The following ABCC8 variants were observed in gnomAD, a reference collection of about 807,000 sequenced individuals.
ABCC8 encodes the protein ATP binding cassette subfamily C member 8.
ABCC8 carries 137 observed loss-of-function variants against 188.0 expected under a neutral mutation model. The ratio of observed to expected loss-of-function variants is 0.73; its 90% confidence interval spans 0.63 to 0.84. ABCC8 has a LOEUF of 0.84. Ranked by LOEUF, ABCC8 falls within the 40% of genes least tolerant of loss-of-function variation. The pLI, the probability that ABCC8 is intolerant of heterozygous loss-of-function variation, is 0.00. For synonymous variants in ABCC8, 797 were observed against 846.5 expected, an observed-to-expected ratio of 0.94 and a Z score of 1.01; for missense variants, 1,750 against 2,072.7, an observed-to-expected ratio of 0.84 and a Z score of 3.02.
chr11:17,470,162 A>C lies in ABCC8; in HGVS notation c.351T>G (p.Ala117=). 6.2e-7 allele frequency: 1 copy of C among 1,614,202 alleles called. No individual in the cohort carries two copies. Among genetic ancestry groups the C allele is most frequent in the Middle Eastern group, 1.6e-4 (1 of 6,062 alleles). Residue 117 remains alanine, a synonymous_variant, in exon 3 of 39, where the codon GCT becomes GCG. Transcript: ENST00000389817. The part of the protein sequence containing the change: ...YMPAGMAFMA[A]VTSVVYYHNI... The stretch of plus-strand genomic sequence containing the variant: ...TGTGATAGTAGACCACGGAGGTGAC[A>C]GCAGCCATGAACGCCATCCCGGCTG...
Position 17,452,970 on chromosome 11 carries a change from G to C in ABCC8, c.1176+149C>G, listed in dbSNP as rs1956867449. 8.7e-6 allele frequency: 7 copies of C among 805,138 alleles called. No individual in the cohort carries two copies. In the Admixed American group the frequency reaches 1.4e-4, roughly 16 times the overall value. 49.9% of individuals were successfully genotyped at this position (805,138 alleles called of 1,614,324 possible). On this transcript the variant is annotated intron_variant, in intron 7 of 38. Coordinates refer to ENST00000389817, the MANE Select transcript of ABCC8 (RefSeq NM_000352.6). The stretch of plus-strand genomic sequence containing the variant: ...ACTATCCCACACTGCCTTGTCAATG[G>C]TTACTGTTTTAAAACATCGTTAATG...
Position 17,407,404 on chromosome 11 carries a change from C to T in ABCC8, c.2870G>A (p.Arg957His), listed in dbSNP as rs775921458. 60 of 1,614,038 alleles carry T rather than the reference C, an allele frequency of 3.7e-5. No homozygotes were observed. The highest frequency in any genetic ancestry group is 9.3e-5 in the African/African-American group (7 of 74,898). ...KATEPPQGLS[R>H]AMSSRDGLLQ... The stretch of plus-strand genomic sequence containing the variant: ...AAGGCCATCCCTCGAGGACATGGCA[C>T]GAGATAGGCCCTGGGGTGGCTCTGT... The change falls in exon 24 of 39, where the codon CGT becomes CAT. Residue 957 changes from arginine to histidine, a missense_variant. Physicochemically the swap from Arg to His is conservative, Grantham distance 29. Coordinates refer to ENST00000389817, the MANE Select transcript of ABCC8 (RefSeq NM_000352.6).
chr11:17,393,615 A>C, intron 38 of ABCC8, 82 bp downstream of exon 38: 1 of 1,594,708 alleles, frequency 6.3e-7, no homozygotes, highest in Non-Finnish European at 8.6e-7. Flanking sequence ...AGGCAAGCCC[A>C]GGGGCTGTGC....
intron 16 of ABCC8, among the ~76,000 whole-genome samples, chr11:17,420,648 T>A (rs901530528): frequency 6.6e-6 from 1 of 152,168 alleles, no homozygotes; most frequent in African/African-American, 2.4e-5. Flanking sequence ...GGCAACAGCA[T>A]TGCAGCAGGG....
intron 1 of ABCC8, among the ~76,000 whole-genome samples, chr11:17,475,403 A>T (rs900456395): frequency 2.0e-5 from 3 of 151,390 alleles, no homozygotes; most frequent in Admixed American, 6.6e-5. Context: ...TTTTTGTAGA[A>T]AGGGCGGGGG....
intron 12 of ABCC8, chr11:17,430,547 G>A: frequency 4.6e-6 from 2 of 432,512 alleles, no homozygotes; most frequent in South Asian, 4.6e-5. Context: ...CTCAACACTG[G>A]TTTTTTTTTT....
At chr11:17,395,786 C>G in intron 34 of ABCC8, 66 bp downstream of exon 34, 1 of 1,553,310 alleles carries the variant, frequency 6.4e-7, no homozygotes, top group Non-Finnish European at 8.7e-7. Context: ...TGTCTGACCA[C>G]GTGCCAGGGC....
At position 17,461,592 on chromosome 11, in the gene ABCC8, G is replaced by A. The variant is rs569222899; in HGVS notation, c.813C>T (p.Asp271=). The A allele has an allele frequency of 5.9e-5, 96 of 1,614,226 alleles. No individual in the cohort carries two copies. The highest frequency in any genetic ancestry group is 4.9e-4 in the East Asian group (22 of 44,874). Residue 271 remains aspartate, a synonymous_variant, in exon 5 of 39, where the codon GAC becomes GAT. Transcript: ENST00000389817. Reference sequence around the variant, plus strand: ...CTGTGCCCCCACTGACCACCTGGGCGTCAAAGGCCTCGCAGAGCCGTTGGT... The same window carrying A: ...CTGTGCCCCCACTGACCACCTGGGCATCAAAGGCCTCGCAGAGCCGTTGGT... ...TNYQRLCEAF[D]AQVRKDIQGT...
At chr11:17,420,893 G>C (rs954096492) in intron 16 of ABCC8, among the ~76,000 whole-genome samples, 2 of 152,252 alleles carry the variant, frequency 1.3e-5, no homozygotes, top group African/African-American at 4.8e-5. Flanking sequence ...TAAAGAGAGA[G>C]TTTGCAAATC....
At chr11:17,420,669 A>G (rs1955299632) in intron 16 of ABCC8, among the ~76,000 whole-genome samples, 1 of 152,204 alleles carries the variant, frequency 6.6e-6, no homozygotes, top group Non-Finnish European at 1.5e-5. Flanking sequence ...AGCTCCAGTG[A>G]GACTGCATGT....
At chr11:17,467,137 AG>A (rs1848214404) in intron 3 of ABCC8, among the ~76,000 whole-genome samples, 1 of 149,962 alleles carries the variant, frequency 6.7e-6, no homozygotes, top group African/African-American at 2.5e-5. Flanking sequence ...ATGACCTTCC[AG>A]GTGGGTGCGG....
chr11:17,400,677 CAGA>C (rs1954194458), intron 29 of ABCC8, among the ~76,000 whole-genome samples: 1 of 152,194 alleles, frequency 6.6e-6, no homozygotes, highest in South Asian at 2.1e-4. Context: ...TAGGAAAGCC[CAGA>C]AGGTCAGGCA....
intron 28 of ABCC8, among the ~76,000 whole-genome samples, chr11:17,403,303 G>A (rs1377782075): frequency 1.3e-5 from 2 of 152,178 alleles, no homozygotes; most frequent in Admixed American, 6.5e-5. Flanking sequence ...GCTGCACCTC[G>A]ACAAGCACAT....
At chr11:17,442,087 GA>G (rs150075372) in intron 10 of ABCC8, among the ~76,000 whole-genome samples, 2,425 of 151,660 alleles carry the variant, frequency 0.016, 68 homozygotes, top group African/African-American at 0.056. Flanking sequence ...CTCAAAAAAA[GA>G]AAAAAAAGTT....
At position 17,430,850 on chromosome 11, in the gene ABCC8, G is replaced by T; in HGVS notation, c.1781C>A (p.Ser594Tyr). ...TTTGACGGTAGATCGGACCACACTG[G>T]ACAGCAGGAACAGCGGTGTGACCAA... ...HILVTPLFLL[S>Y]SVVRSTVKAL... Residue 594 changes from serine (S) to tyrosine (Y), a missense_variant, in exon 12 of 39, where the codon TCC becomes TAC. Coordinates refer to ENST00000389817, the MANE Select transcript of ABCC8 (RefSeq NM_000352.6). 6.2e-7 allele frequency: 1 copy of T among 1,614,230 alleles called. No individual in the cohort carries two copies. The highest frequency in any genetic ancestry group is 8.5e-7 in the Non-Finnish European group (1 of 1,180,050).
intron 3 of ABCC8, 64 bp from the exon 4 acceptor site, chr11:17,463,668 G>A (rs139939039): frequency 1.9e-6 from 3 of 1,547,730 alleles, no homozygotes; most frequent in African/African-American, 2.7e-5. Context: ...CTCACATAAT[G>A]TGTGCAAGTA....
intron 25 of ABCC8, 40 bp downstream of exon 25, chr11:17,406,848 A>G: frequency 1.2e-6 from 2 of 1,614,112 alleles, no homozygotes; most frequent in East Asian, 2.2e-5. Context: ...CCCTTCCCCC[A>G]TCCCCACTCC....
chr11:17,435,575 AAGG>A (rs1403626306), intron 10 of ABCC8: 22 of 1,351,020 alleles, frequency 1.6e-5, no homozygotes, highest in Non-Finnish European at 2.0e-5. Flanking sequence ...TTAAACAAAT[AAGG>A]AGAACTTTTC....
chr11:17,402,113 C>T (rs996745030), intron 29 of ABCC8, among the ~76,000 whole-genome samples: 1 of 152,268 alleles, frequency 6.6e-6, no homozygotes, highest in South Asian at 2.1e-4. Context: ...AGCACATAGT[C>T]GGGGCTTAGT....
Sources: gnomAD v4.1 joint callset for allele counts (sites outside exome capture counted in the v4.1 genomes callset) on GRCh38, gnomAD v4.1.1 for gene constraint, MANE v1.5 for transcripts, NCBI Gene and HGNC (gene_info 2026-07-23, HGNC 2026-07-21) for gene names.